The following ADK variants were observed in gnomAD, a reference collection of about 807,000 sequenced individuals.
The protein encoded by ADK is adenosine kinase.
In ADK, 24 loss-of-function variants were observed where a neutral mutation model predicts 44.7. The observed-to-expected ratio is 0.54, with a 90% CI of 0.39 to 0.76. The LOEUF (loss-of-function observed/expected upper bound fraction) is 0.76. ADK is among the 30% of genes least tolerant of loss of function. The pLI is 0.00. For missense variants in ADK, 321 were observed against 425.1 expected, an observed-to-expected ratio of 0.76 and a Z score of 2.15; for synonymous variants, 128 against 142.6, an observed-to-expected ratio of 0.90 and a Z score of 0.73.
intron 9 of ADK, chr10:74,655,689 G>C (rs913558105): frequency 2.1e-6 from 1 of 474,116 alleles, no homozygotes; most frequent in Non-Finnish European, 4.2e-6. Flanking sequence ...GGACATATCC[G>C]TGGCAGAGCT....
chr10:74,415,548 G>C (rs1394153555), intron 6 of ADK, among the ~76,000 whole-genome samples: 1 of 152,036 alleles, frequency 6.6e-6, no homozygotes, highest in Non-Finnish European at 1.5e-5. Context: ...ATGTTCTGTT[G>C]TTGCTATCTT....
chr10:74,300,049 CTTCT>C (rs1411740528), intron 3 of ADK, among the ~76,000 whole-genome samples: 1 of 149,658 alleles, frequency 6.7e-6, no homozygotes, highest in Non-Finnish European at 1.5e-5. Flanking sequence ...TCTTCTTCGT[CTTCT>C]TTTTTTTTTT....
At chr10:74,213,523 C>T (rs186380743) in intron 2 of ADK, among the ~76,000 whole-genome samples, 1 of 106,648 alleles carries the variant, frequency 9.4e-6, no homozygotes, top group African/African-American at 2.9e-5. Flanking sequence ...ATGAAACTTT[C>T]TAAAAAAAAA....
At chr10:74,298,956 C>T (rs913077216) in intron 3 of ADK, among the ~76,000 whole-genome samples, 1 of 151,988 alleles carries the variant, frequency 6.6e-6, no homozygotes, top group African/African-American at 2.4e-5. Flanking sequence ...TTGGGTGTAA[C>T]ATCGGTAGTC....
chr10:74,641,995 C>T (rs1045951637), intron 9 of ADK, among the ~76,000 whole-genome samples: 1 of 152,118 alleles, frequency 6.6e-6, no homozygotes, highest in Non-Finnish European at 1.5e-5. Context: ...CACAGTAATT[C>T]AAATATATTA....
intron 7 of ADK, among the ~76,000 whole-genome samples, chr10:74,582,726 G>T (rs1851411827): frequency 6.6e-6 from 1 of 151,982 alleles, no homozygotes; most frequent in South Asian, 2.1e-4. Flanking sequence ...TTGGATAGAG[G>T]CATGAGTGTC....
At chr10:74,387,896 ATTTCTTTTT>A (rs1037862658) in intron 4 of ADK, among the ~76,000 whole-genome samples, 6 of 151,624 alleles carry the variant, frequency 4.0e-5, no homozygotes, top group East Asian at 1.9e-4. Context: ...ATTTCTTTTT[ATTTCTTTTT>A]TTTCTTTTTT....
intron 8 of ADK, 41 bp downstream of exon 8, chr10:74,589,358 G>C (rs201841553): frequency 1.2e-6 from 2 of 1,600,622 alleles, no homozygotes; most frequent in Non-Finnish European, 1.7e-6. Context: ...GATCCTAAAG[G>C]TTTTTTCTAG....
chr10:74,635,275 A>G (rs1283550651), intron 9 of ADK, among the ~76,000 whole-genome samples: 1 of 152,254 alleles, frequency 6.6e-6, no homozygotes, highest in Non-Finnish European at 1.5e-5. Flanking sequence ...AAATTATATG[A>G]ACAACTACAG....
chr10:74,433,402 G>A (rs1845066124), intron 6 of ADK, among the ~76,000 whole-genome samples: 1 of 152,196 alleles, frequency 6.6e-6, no homozygotes, highest in African/African-American at 2.4e-5. Flanking sequence ...AGATTCTGCT[G>A]AGGGCTGTAG....
At chr10:74,704,275 A>G (rs1454817061) in intron 10 of ADK, among the ~76,000 whole-genome samples, 1 of 152,222 alleles carries the variant, frequency 6.6e-6, no homozygotes, top group East Asian at 1.9e-4. Context: ...GTAGTTGCAC[A>G]TTGTGAATGT....
chr10:74,351,992 C>T (rs1841977397), intron 4 of ADK, among the ~76,000 whole-genome samples: 1 of 151,622 alleles, frequency 6.6e-6, no homozygotes, highest in African/African-American at 2.4e-5. Flanking sequence ...CCATATTGCC[C>T]AAAATAATGT....
intron 7 of ADK, among the ~76,000 whole-genome samples, chr10:74,561,528 A>G (rs1241996518): frequency 6.6e-6 from 1 of 152,226 alleles, no homozygotes. Flanking sequence ...AATATAACCT[A>G]CATTTATTTA....
chr10:74,588,712 C>T (rs568364694), intron 7 of ADK, among the ~76,000 whole-genome samples: 1 of 152,158 alleles, frequency 6.6e-6, no homozygotes, highest in Non-Finnish European at 1.5e-5. Flanking sequence ...CAGCTTGATC[C>T]TTCCATTATA....
chr10:74,370,744 T>A (rs1592113246), intron 4 of ADK, among the ~76,000 whole-genome samples: 1 of 151,974 alleles, frequency 6.6e-6, no homozygotes, highest in Non-Finnish European at 1.5e-5. Flanking sequence ...TTTCTTCTTT[T>A]AAAAAAATAC....
chr10:74,304,930 A>T (rs567329295), intron 3 of ADK, among the ~76,000 whole-genome samples: 1 of 152,216 alleles, frequency 6.6e-6, no homozygotes, highest in East Asian at 1.9e-4. Context: ...CTTAAATTAC[A>T]GTTGTCCTTT....
intron 3 of ADK, among the ~76,000 whole-genome samples, chr10:74,259,666 C>A (rs1473819182): frequency 1.3e-5 from 2 of 151,686 alleles, no homozygotes; most frequent in Non-Finnish European, 2.9e-5. Context: ...ACCATGTTAG[C>A]CAGGATGGTC....
intron 1 of ADK, among the ~76,000 whole-genome samples, chr10:74,164,277 T>A (rs1031597038): frequency 5.9e-5 from 9 of 152,256 alleles, no homozygotes; most frequent in Non-Finnish European, 2.9e-5. Flanking sequence ...GGCTCATGCC[T>A]GTAATCCCAG....
chr10:74,532,767 G>A (rs563573722), intron 7 of ADK, among the ~76,000 whole-genome samples: 1 of 151,896 alleles, frequency 6.6e-6, no homozygotes, highest in South Asian at 2.1e-4. Context: ...TGGGCATGGT[G>A]GCACACGCCT....
Sources: gnomAD v4.1 joint callset for allele counts (sites outside exome capture counted in the v4.1 genomes callset) on GRCh38, gnomAD v4.1.1 for gene constraint, MANE v1.5 for transcripts, NCBI Gene and HGNC (gene_info 2026-07-23, HGNC 2026-07-21) for gene names.